Variants in ZNF423 observed in about 807,000 individuals in gnomAD.
ZNF423 encodes zinc finger protein 423, also known as Ebf-associated zinc finger protein.
A neutral mutation model predicts 95.8 loss-of-function variants in ZNF423; 12 were observed. The ratio of observed to expected loss-of-function variants is 0.13; its 90% CI spans 0.08 to 0.20. ZNF423 has a LOEUF of 0.20. ZNF423 is among the 10% of genes least tolerant of loss of function. The probability of loss-of-function intolerance (pLI) is 1.00; values close to 1 mark genes in which losing one functional copy is unlikely to be tolerated. For synonymous variants in ZNF423, 749 were observed against 711.9 expected (o/e 1.05, Z -0.83); for missense variants, 1,316 against 1,737.1 (o/e 0.76, Z 4.31).
At chr16:49,768,621 T>A (rs2033973343) in intron 2 of ZNF423, among the ~76,000 whole-genome samples, 1 of 151,924 alleles carries the variant, frequency 6.6e-6, no homozygotes, top group Admixed American at 6.6e-5. Flanking sequence ...ATCTCCTCAG[T>A]CTCTCCTCAT....
intron 2 of ZNF423, among the ~76,000 whole-genome samples, chr16:49,743,178 T>C (rs1290553854): frequency 6.6e-6 from 1 of 152,126 alleles, no homozygotes; most frequent in Admixed American, 6.5e-5. Flanking sequence ...CAGCAGCACT[T>C]TGCAGAAAGA....
intron 1 of ZNF423, among the ~76,000 whole-genome samples, chr16:49,830,881 G>T: frequency 6.6e-6 from 1 of 152,046 alleles, no homozygotes; most frequent in East Asian, 1.9e-4. Flanking sequence ...GAGCTTTTCC[G>T]AACTTGGATT....
intron 1 of ZNF423, among the ~76,000 whole-genome samples, chr16:49,817,107 C>T (rs2034867587): frequency 6.6e-6 from 1 of 152,166 alleles, no homozygotes; most frequent in Non-Finnish European, 1.5e-5. Flanking sequence ...CCACATTTGC[C>T]ATCTCGAAAT....
chr16:49,664,890 T>A (rs1298440974), intron 3 of ZNF423, among the ~76,000 whole-genome samples: 1 of 152,250 alleles, frequency 6.6e-6, no homozygotes, highest in Non-Finnish European at 1.5e-5. Flanking sequence ...AGCCCCACGA[T>A]CCCTGCTCTT....
At chr16:49,599,632 A>C (rs1971293940) in intron 5 of ZNF423, among the ~76,000 whole-genome samples, 1 of 152,206 alleles carries the variant, frequency 6.6e-6, no homozygotes, top group Non-Finnish European at 1.5e-5. Flanking sequence ...AGTAAAATGC[A>C]CATTTTCCCA....
chr16:49,791,284 T>C (rs2034409090), intron 1 of ZNF423, among the ~76,000 whole-genome samples: 1 of 152,222 alleles, frequency 6.6e-6, no homozygotes, highest in African/African-American at 2.4e-5. Flanking sequence ...TGTGCAGCTT[T>C]ATAAATAGCA....
At chr16:49,577,578 G>A (rs1335887661) in intron 5 of ZNF423, among the ~76,000 whole-genome samples, 1 of 152,186 alleles carries the variant, frequency 6.6e-6, no homozygotes, top group Non-Finnish European at 1.5e-5. Context: ...TGTGGTGCAA[G>A]ACTTGGAAGG....
chr16:49,645,745 T>C (rs1389158744), intron 3 of ZNF423, among the ~76,000 whole-genome samples: 1 of 152,176 alleles, frequency 6.6e-6, no homozygotes, highest in Non-Finnish European at 1.5e-5. Context: ...GGGAGGGACC[T>C]GGTGGGAGGT....
chr16:49,518,594 A>T (rs547999997), intron 7 of ZNF423: 7 of 426,402 alleles, frequency 1.6e-5, no homozygotes, highest in Non-Finnish European at 3.2e-5. Flanking sequence ...GCAAAAAAAA[A>T]AAAAAGTCTC....
Position 49,637,983 on chromosome 16 carries a change from G to T in ZNF423, c.1193C>A (p.Pro398Gln). Residue 398 changes from proline to glutamine, a missense_variant, in exon 4 of 8, where the codon CCG becomes CAG. Physicochemically the swap from Pro to Gln is moderately conservative, Grantham distance 76. Around this residue, in one of 6 missense-constraint regions of ZNF423, gnomAD observed 399 missense variants for 478.5 expected, o/e 0.83. Transcript: ENST00000563137. The surrounding 1 kb of genome is among the most constrained non-coding windows in gnomAD (Gnocchi z 5.6). ...CCGCATCTTCTTCTGCCCCCGCAGC[G>T]GCTTCAAGGTGGAGTCCGGGGTGGA... is the stretch of plus-strand genomic sequence containing the variant. ...RGSTPDSTLK[P>Q]LRGQKKMRDD... 6.2e-7 allele frequency: 1 copy of T among 1,614,120 alleles called. No homozygotes were observed.
intron 1 of ZNF423, among the ~76,000 whole-genome samples, chr16:49,795,868 T>A (rs2034491705): frequency 6.6e-6 from 1 of 152,152 alleles, no homozygotes; most frequent in Non-Finnish European, 1.5e-5. Context: ...TTTGCGGCCA[T>A]CTCTGAAGTC....
chr16:49,555,668 A>C (rs1969796900), intron 5 of ZNF423, among the ~76,000 whole-genome samples: 1 of 152,222 alleles, frequency 6.6e-6, no homozygotes, highest in Admixed American at 6.5e-5. Flanking sequence ...GACATCTGGC[A>C]GGTGAATGTA....
intron 4 of ZNF423, among the ~76,000 whole-genome samples, chr16:49,627,657 T>TAC (rs1291974489): frequency 1.4e-5 from 2 of 142,632 alleles, no homozygotes; most frequent in Admixed American, 7.0e-5. Flanking sequence ...CCCATACATC[T>TAC]ACACACACAC....
chr16:49,821,990 A>G (rs1264600291), intron 1 of ZNF423, among the ~76,000 whole-genome samples: 1 of 152,060 alleles, frequency 6.6e-6, no homozygotes, highest in Non-Finnish European at 1.5e-5. Flanking sequence ...AATCACTTCC[A>G]CATCCCTATC....
chr16:49,498,077 CT>C (rs1301943078), intron 7 of ZNF423, among the ~76,000 whole-genome samples: 1 of 152,142 alleles, frequency 6.6e-6, no homozygotes, highest in Non-Finnish European at 1.5e-5. Context: ...GAGTGAACCC[CT>C]GGACAACAGC....
intron 3 of ZNF423, among the ~76,000 whole-genome samples, chr16:49,677,227 A>AG (rs1427015923): frequency 2.0e-4 from 23 of 115,902 alleles, no homozygotes; most frequent in Non-Finnish European, 2.2e-4. Context: ...TAGAAACAAG[A>AG]AAAGAGAAGA....
chr16:49,837,308 G>A (rs1437504175), intron 1 of ZNF423, among the ~76,000 whole-genome samples: 2 of 152,130 alleles, frequency 1.3e-5, no homozygotes. Flanking sequence ...GGGCAAGGCT[G>A]TGTGCGTCTC....
chr16:49,622,087 C>T (rs1330411330), intron 5 of ZNF423, among the ~76,000 whole-genome samples: 2 of 152,224 alleles, frequency 1.3e-5, no homozygotes, highest in African/African-American at 4.8e-5. Context: ...AGGCTGGAGA[C>T]TTAACTGAGC....
chr16:49,576,479 C>T (rs1343320955), intron 5 of ZNF423, among the ~76,000 whole-genome samples: 7 of 152,208 alleles, frequency 4.6e-5, no homozygotes, highest in East Asian at 1.9e-4. Flanking sequence ...CCAATAAAAA[C>T]GGAGGCCACC....
Sources: gnomAD v4.1 joint callset for allele counts (sites outside exome capture counted in the v4.1 genomes callset) on GRCh38, gnomAD v4.1.1 for gene constraint, gnomAD v4.1.1 regional missense constraint, Gnocchi (gnomAD v3.1) non-coding constraint, MANE v1.5 for transcripts, NCBI Gene and HGNC (gene_info 2026-07-23, HGNC 2026-07-21) for gene names.